NLRP13: variants seen among roughly 807,000 people sequenced by gnomAD.
NLRP13 encodes NACHT, LRR and PYD domains-containing protein 13.
Under a neutral mutation model 94.4 loss-of-function variants are expected in NLRP13, and 82 were observed. That is an observed-to-expected ratio of 0.87 (90% CI 0.73 to 1.04). NLRP13 has a LOEUF of 1.04. NLRP13 is among the 50% of genes least tolerant of loss of function. The pLI is 0.00. For synonymous variants in NLRP13, 553 were observed against 464.7 expected (o/e 1.19, Z -2.45); for missense variants, 1,426 against 1,230.8 (o/e 1.16, Z -2.37).
In NLRP13 at chr19:55,897,263, A is replaced by T. The variant is rs541048177; in HGVS notation, c.2958-1144T>A. On this transcript the variant is annotated intron_variant, in intron 10 of 10. Transcript: ENST00000342929. ...GCCAGGCGCAGTGGCTCATGTCAGT[A>T]ATCCCAACACTTTGGGAGACTGAGG... Among the ~76,000 whole-genome samples, 10 of 152,328 alleles carry T rather than the reference A, an allele frequency of 6.6e-5. No individual in the cohort carries two copies. The South Asian group carries it at 2.1e-3, about 32-fold the overall frequency.
At chr19:55,925,300 C>A (rs950264648) in intron 1 of NLRP13, among the ~76,000 whole-genome samples, 1 of 152,238 alleles carries the variant, frequency 6.6e-6, no homozygotes, top group African/African-American at 2.4e-5. Flanking sequence ...ATCTGCTTAG[C>A]TCACTCTCAA....
rs187564729 is a variant in NLRP13, at chr19:55,916,239, G to A, written c.524-2946C>T. Among the ~76,000 whole-genome samples, 207 of 152,112 alleles carry A rather than the reference G, an allele frequency of 1.4e-3. 2 individuals are homozygous for A. The East Asian group carries it at 0.023, about 17-fold the overall frequency. On this transcript the variant is annotated intron_variant, in intron 4 of 10. Transcript: ENST00000342929. Reference sequence around the variant, plus strand: ...AAAAAATAGTCCCATCTAAACAGCAGTAAATGCAAAAATAAGAAGTGATAG... The same window carrying A: ...AAAAAATAGTCCCATCTAAACAGCAATAAATGCAAAAATAAGAAGTGATAG...
chr19:55,893,995 G>C (rs1028811283), downstream of NLRP13, among the ~76,000 whole-genome samples: 5 of 149,396 alleles, frequency 3.3e-5, no homozygotes, highest in African/African-American at 7.4e-5. Context: ...CTTCTGCTGA[G>C]ATGTACCAGT....
intron 10 of NLRP13, among the ~76,000 whole-genome samples, chr19:55,897,960 G>A (rs112830124): frequency 2.6e-5 from 4 of 152,128 alleles, no homozygotes; most frequent in African/African-American, 7.2e-5. Flanking sequence ...AAAATCCTAC[G>A]GTTCAGAGCA....
intron 8 of NLRP13, among the ~76,000 whole-genome samples, chr19:55,903,494 C>T (rs894508449): frequency 1.3e-5 from 2 of 152,124 alleles, no homozygotes; most frequent in African/African-American, 2.4e-5. Context: ...TCTCTTTGTG[C>T]GTCCACCACT....
downstream of NLRP13, among the ~76,000 whole-genome samples, chr19:55,892,913 C>T (rs1985897120): frequency 6.6e-6 from 1 of 152,166 alleles, no homozygotes; most frequent in Admixed American, 6.5e-5. Flanking sequence ...ATGTGGACCA[C>T]ATGCATGTGT....
chr19:55,896,518 CAAAAAAAAA>C (rs776309030), intron 10 of NLRP13, among the ~76,000 whole-genome samples: 61 of 90,154 alleles, frequency 6.8e-4, no homozygotes, highest in Admixed American at 1.3e-3. Context: ...GATTCTGTCT[CAAAAAAAAA>C]AAAAAAAAGG....
chr19:55,907,816 G>C lies in NLRP13; in HGVS notation c.2423C>G (p.Ser808Ter), dbSNP rs769007419. The change falls in exon 7 of 11, where the codon TCA becomes TGA. Residue 808 changes from serine (S) to a stop codon, truncating the protein, a stop_gained. Transcript: ENST00000342929. LOFTEE classifies it high-confidence loss of function. ...CCACAGATACTTGAGGTTGCAAGCTGAGTGTCTCAAAGCTTTAAGAATCAG... is the reference window on the plus strand; with the variant it reads ...CCACAGATACTTGAGGTTGCAAGCTCAGTGTCTCAAAGCTTTAAGAATCAG... ...VPLILKALRH[S>*]ACNLKYLCLE... The C allele has an allele frequency of 8.1e-6, 13 of 1,613,928 alleles. No homozygotes were observed. The highest frequency in any genetic ancestry group is 2.2e-5 in the East Asian group (1 of 44,874).
At chr19:55,899,694 A>C (rs887479230) in intron 9 of NLRP13, among the ~76,000 whole-genome samples, 19 of 152,176 alleles carry the variant, frequency 1.2e-4, no homozygotes, top group African/African-American at 4.3e-4. Flanking sequence ...GCAGGAGAAT[A>C]GCTTAAACCC....
At chr19:55,909,867 A>G (rs767972936) in intron 6 of NLRP13, among the ~76,000 whole-genome samples, 2 of 151,958 alleles carry the variant, frequency 1.3e-5, no homozygotes, top group Non-Finnish European at 2.9e-5. Flanking sequence ...CCATGGGCAC[A>G]GTCCCTCCTC....
Position 55,902,097 on chromosome 19 carries a change from GTC to G in NLRP13, c.2725_2726del (p.Asp909ArgfsTer8). ...HLNLSKNSLR[D>X]EGVKFLCEAL... ...CCTCACACAGGAACTTGACTCCCTC[GTC>G]TCTCAGGCTGTTCTTGCTCAGATTC... On this transcript the variant is annotated frameshift_variant, in exon 9 of 11. Transcript: ENST00000342929. LOFTEE classifies it high-confidence loss of function. 1 of 1,614,118 alleles carries G rather than the reference GTC, an allele frequency of 6.2e-7. No homozygotes were observed. Among genetic ancestry groups the G allele is most frequent in the Non-Finnish European group, 8.5e-7 (1 of 1,180,008 alleles).
rs750519234 is a variant in NLRP13 at position 55,902,211 on chromosome 19, G to C, written c.2619-6C>G. 15 of 1,613,268 alleles carry C rather than the reference G, an allele frequency of 9.3e-6. No individual in the cohort carries two copies. The South Asian group carries it at 1.6e-4, about 18-fold the overall frequency. ...CCAGCTGGCAAAACCAGAGCCTGCAGGGTGAAAGCCACAGAGATGGACACT... is the reference window on the plus strand; with the variant it reads ...CCAGCTGGCAAAACCAGAGCCTGCACGGTGAAAGCCACAGAGATGGACACT... On this transcript the variant is annotated splice_region_variant and splice_polypyrimidine_tract_variant and intron_variant, in intron 8 of 10. Coordinates refer to ENST00000342929, the MANE Select transcript of NLRP13 (RefSeq NM_176810.2).
intron 1 of NLRP13, among the ~76,000 whole-genome samples, chr19:55,929,235 G>T (rs978936441): frequency 6.6e-5 from 10 of 152,148 alleles, no homozygotes; most frequent in African/African-American, 2.2e-4. Context: ...CAAGGATCTA[G>T]AACTAGAAAT....
chr19:55,898,369 C>A (rs1409360930), intron 10 of NLRP13, among the ~76,000 whole-genome samples: 1 of 152,026 alleles, frequency 6.6e-6, no homozygotes, highest in African/African-American at 2.4e-5. Context: ...ACCTATACAC[C>A]CAGCTAATTT....
At position 55,910,580 on chromosome 19, in the gene NLRP13, G is replaced by C. The variant is rs766697694; in HGVS notation, c.2265C>G (p.Cys755Trp). The change falls in exon 6 of 11, where the codon TGC (cysteine) becomes TGG (tryptophan). Residue 755 changes from cysteine to tryptophan, a missense_variant. Cys to Trp is a radical substitution (Grantham distance 215). Coordinates refer to ENST00000342929, the MANE Select transcript of NLRP13 (RefSeq NM_176810.2). ...ACACTTACGTCAGTTTCTGGACTTT[G>C]CATCTTGGATTTTTCAGTGCAAGAC... Reference protein sequence around the residue: ...GLCLALKNPRCKVQKLTCKSV... With the variant: ...GLCLALKNPRWKVQKLTCKSV... 3 of 1,604,166 alleles carry C rather than the reference G, an allele frequency of 1.9e-6. No individual in the cohort carries two copies. The highest frequency in any genetic ancestry group is 2.6e-6 in the Non-Finnish European group (3 of 1,172,842).
intron 10 of NLRP13, among the ~76,000 whole-genome samples, chr19:55,898,218 T>TTG (rs1230662176): frequency 6.7e-6 from 1 of 149,232 alleles, no homozygotes; most frequent in African/African-American, 2.5e-5. Context: ...TTTTGTTTTT[T>TTG]TTTTTTTTGA....
intron 1 of NLRP13, among the ~76,000 whole-genome samples, chr19:55,930,874 T>TTTTATATATATATATATATA (rs55900335): frequency 1.7e-3 from 119 of 70,172 alleles, no homozygotes; most frequent in African/African-American, 8.2e-3. Flanking sequence ...GAATCAGTGA[T>TTTTATATATATATATATATA]TATATATATA....
Position 55,898,881 on chromosome 19 carries a change from C to A in NLRP13, c.2846G>T (p.Ser949Ile), listed in dbSNP as rs1986087927. 6.2e-7 allele frequency: 1 copy of A among 1,613,794 alleles called. No individual in the cohort carries two copies. Residue 949 changes from serine to isoleucine, a missense_variant, in exon 10 of 11, where the codon AGC becomes ATC. Physicochemically the swap from Ser to Ile is moderately radical, Grantham distance 142. Transcript: ENST00000342929. ...EGCGELANALSHNHNVKILDL... is the reference protein window; with the variant it reads ...EGCGELANALIHNHNVKILDL... ...CAAGATTTTCACATTATGATTATGG[C>A]TGAGGGCATTAGCCAGCTCTCCACA... is the stretch of plus-strand genomic sequence containing the variant.
At chr19:55,920,510 T>G (rs1054560588) in intron 4 of NLRP13, among the ~76,000 whole-genome samples, 9 of 151,708 alleles carry the variant, frequency 5.9e-5, no homozygotes, top group African/African-American at 2.2e-4. Context: ...AGACATTTTT[T>G]AAAAGAAGAC....
Sources: allele counts gnomAD v4.1 joint callset (sites outside exome capture counted in the v4.1 genomes callset), GRCh38; gene constraint gnomAD v4.1.1; transcripts MANE v1.5; gene names NCBI Gene and HGNC (gene_info 2026-07-23, HGNC 2026-07-21).